EFNA5: variants seen among roughly 807,000 people sequenced by gnomAD.
EFNA5 encodes ephrin-A5.
EFNA5 carries 5 observed loss-of-function variants against 22.9 expected under a neutral mutation model. The observed-to-expected ratio is 0.22, with a 90% confidence interval of 0.11 to 0.46. EFNA5 has a LOEUF of 0.46. EFNA5 is among the 20% of genes least tolerant of loss of function. The probability of loss-of-function intolerance (pLI) is 0.99; values close to 1 mark genes in which losing one functional copy is unlikely to be tolerated. For synonymous variants in EFNA5, 113 were observed against 112.2 expected (o/e 1.01, Z -0.04); for missense variants, 237 against 293.3 (o/e 0.81, Z 1.40).
intron 1 of EFNA5, among the ~76,000 whole-genome samples, chr5:107,572,819 T>C (rs1270716658): frequency 1.3e-5 from 2 of 152,214 alleles, no homozygotes; most frequent in African/African-American, 4.8e-5. Flanking sequence ...TTTGTTGCTG[T>C]TGGGGTCTTG....
chr5:107,589,729 C>G (rs745953486), intron 1 of EFNA5, among the ~76,000 whole-genome samples: 2 of 152,166 alleles, frequency 1.3e-5, no homozygotes, highest in African/African-American at 2.4e-5. Context: ...TCCTTTAACA[C>G]TCTTTGTTTA....
chr5:107,389,402 G>T (rs1361843739), intron 2 of EFNA5, among the ~76,000 whole-genome samples: 1 of 152,200 alleles, frequency 6.6e-6, no homozygotes, highest in Non-Finnish European at 1.5e-5. Flanking sequence ...ACGGGTTCCT[G>T]AGGGAGTATA....
At chr5:107,387,842 T>TGTG in intron 2 of EFNA5, 71 bp from the exon 3 acceptor site, 3 of 1,061,320 alleles carry the variant, frequency 2.8e-6, no homozygotes, top group Non-Finnish European at 4.2e-6. Flanking sequence ...CATTTTCACA[T>TGTG]ACAAATGATG....
intron 1 of EFNA5, among the ~76,000 whole-genome samples, chr5:107,448,199 A>G (rs886242088): frequency 2.0e-5 from 3 of 152,228 alleles, no homozygotes; most frequent in South Asian, 2.1e-4. Context: ...ATGGAGAGAA[A>G]GCTCGAAGTA....
intron 1 of EFNA5, among the ~76,000 whole-genome samples, chr5:107,462,502 A>C (rs1037670956): frequency 6.6e-6 from 1 of 152,122 alleles, no homozygotes; most frequent in Admixed American, 6.6e-5. Context: ...ATGGGTCCAC[A>C]CTATGAGTTA....
intron 1 of EFNA5, among the ~76,000 whole-genome samples, chr5:107,560,771 C>T (rs1052441333): frequency 3.9e-5 from 6 of 152,156 alleles, no homozygotes; most frequent in African/African-American, 1.4e-4. Context: ...CAGGGACAGG[C>T]CCTCATCCAT....
intron 1 of EFNA5, among the ~76,000 whole-genome samples, chr5:107,621,034 T>C (rs1750025210): frequency 6.6e-6 from 1 of 152,068 alleles, no homozygotes; most frequent in South Asian, 2.1e-4. Flanking sequence ...GGGAGGACAA[T>C]GGTAAATATT....
intron 1 of EFNA5, among the ~76,000 whole-genome samples, chr5:107,505,575 C>G (rs1300008579): frequency 6.6e-6 from 1 of 152,044 alleles, no homozygotes; most frequent in South Asian, 2.1e-4. Context: ...CCTCCTATAT[C>G]CTCAAAAAAG....
At chr5:107,488,983 G>A (rs761375092) in intron 1 of EFNA5, among the ~76,000 whole-genome samples, 46 of 151,974 alleles carry the variant, frequency 3.0e-4, no homozygotes, top group South Asian at 6.2e-4. Flanking sequence ...GAGCCACTGC[G>A]CCCGGCCACA....
At chr5:107,646,971 A>G (rs1265653648) in intron 1 of EFNA5, among the ~76,000 whole-genome samples, 3 of 152,112 alleles carry the variant, frequency 2.0e-5, no homozygotes, top group African/African-American at 7.2e-5. Flanking sequence ...CTGTCAGTAC[A>G]TTGTAGGCAA....
chr5:107,389,062 A>T (rs1747716070), intron 2 of EFNA5, among the ~76,000 whole-genome samples: 1 of 152,206 alleles, frequency 6.6e-6, no homozygotes, highest in Admixed American at 6.5e-5. Context: ...TAGGGTCCCC[A>T]GTGTCCCTAT....
intron 2 of EFNA5, among the ~76,000 whole-genome samples, chr5:107,396,558 T>TGGA (rs967949604): frequency 1.3e-5 from 2 of 152,162 alleles, no homozygotes; most frequent in African/African-American, 4.8e-5. Flanking sequence ...AGTGCAAATA[T>TGGA]GGAGGAGGAA....
intron 4 of EFNA5, among the ~76,000 whole-genome samples, chr5:107,383,885 T>C (rs529204409): frequency 1.5e-4 from 23 of 152,344 alleles, no homozygotes; most frequent in Admixed American, 1.2e-3. Context: ...TTCAGTCCTT[T>C]AACCATACAC....
At chr5:107,599,376 G>A (rs1353584714) in intron 1 of EFNA5, among the ~76,000 whole-genome samples, 1 of 152,078 alleles carries the variant, frequency 6.6e-6, no homozygotes, top group Non-Finnish European at 1.5e-5. Flanking sequence ...AGTATGATAT[G>A]GTTTAAGTAA....
intron 2 of EFNA5, among the ~76,000 whole-genome samples, chr5:107,393,692 T>G (rs1033125594): frequency 1.3e-5 from 2 of 152,174 alleles, no homozygotes; most frequent in African/African-American, 2.4e-5. Context: ...CACGGCCCAG[T>G]TTTTTTCCCT....
At chr5:107,564,253 G>A (rs1748613470) in intron 1 of EFNA5, among the ~76,000 whole-genome samples, 1 of 152,156 alleles carries the variant, frequency 6.6e-6, no homozygotes, top group South Asian at 2.1e-4. Context: ...ACAAATTACT[G>A]TTAAAGGCAG....
chr5:107,656,029 G>A (rs1032884111), intron 1 of EFNA5, among the ~76,000 whole-genome samples: 1 of 152,160 alleles, frequency 6.6e-6, no homozygotes, highest in South Asian at 2.1e-4. Context: ...CCAGCTGCCC[G>A]TAAGGAGCAG....
chr5:107,514,281 T>C (rs1212319630), intron 1 of EFNA5, among the ~76,000 whole-genome samples: 1 of 152,146 alleles, frequency 6.6e-6, no homozygotes, highest in Non-Finnish European at 1.5e-5. Context: ...TGAGACTAAA[T>C]ACAGATTGGA....
intron 1 of EFNA5, among the ~76,000 whole-genome samples, chr5:107,539,333 G>A (rs1305775010): frequency 6.6e-6 from 1 of 152,228 alleles, no homozygotes; most frequent in African/African-American, 2.4e-5. Context: ...GAAAGAGAGA[G>A]CAATGGAAAA....
Sources: gnomAD v4.1 joint callset for allele counts (sites outside exome capture counted in the v4.1 genomes callset) on GRCh38, gnomAD v4.1.1 for gene constraint, MANE v1.5 for transcripts, NCBI Gene and HGNC (gene_info 2026-07-23, HGNC 2026-07-21) for gene names.